Variants in AP3M1 observed in about 807,000 individuals in gnomAD.
AP3M1 encodes the protein adaptor related protein complex 3 subunit mu 1.
A neutral mutation model predicts 42.6 loss-of-function variants in AP3M1; 29 were observed. The ratio of observed to expected loss-of-function variants is 0.68; its 90% CI spans 0.51 to 0.93. The LOEUF is 0.93. Ranked by LOEUF, AP3M1 falls within the 40% of genes least tolerant of loss-of-function variation. AP3M1 has a pLI of 0.00. For synonymous variants in AP3M1, 178 were observed against 175.3 expected, an observed-to-expected ratio of 1.02 and a Z score of -0.12; for missense variants, 416 against 510.2, an observed-to-expected ratio of 0.82 and a Z score of 1.78.
At chr10:74,139,137 A>C (rs1841043851) in intron 1 of AP3M1, among the ~76,000 whole-genome samples, 1 of 152,070 alleles carries the variant, frequency 6.6e-6, no homozygotes, top group African/African-American at 2.4e-5. Flanking sequence ...AAAGGCTTCC[A>C]AATTGGAAAG....
rs148635820 is a variant in AP3M1, at chr10:74,135,862, T to A, written c.445+770A>T. On this transcript the variant is annotated intron_variant, in intron 3 of 8. Coordinates refer to ENST00000355264, the MANE Select transcript of AP3M1 (RefSeq NM_012095.6). ...CTTACACAAAGGATGAATAAAGAGC[T>A]GCTGAATGATCTTTTTCTTATAGGC... 4.0e-3 allele frequency among the ~76,000 whole-genome samples: 605 copies of A among 152,352 alleles called. 2 individuals carry two copies. Among genetic ancestry groups the A allele is most frequent in the African/African-American group, 0.014 (580 of 41,584 alleles).
At chr10:74,129,471 T>C (rs1227908495) in intron 5 of AP3M1, among the ~76,000 whole-genome samples, 1 of 152,232 alleles carries the variant, frequency 6.6e-6, no homozygotes, top group African/African-American at 2.4e-5. Flanking sequence ...GTAGTATTAT[T>C]TCCCTTTAAC....
intron 6 of AP3M1, among the ~76,000 whole-genome samples, chr10:74,127,771 G>A (rs1054543073): frequency 3.3e-5 from 5 of 151,984 alleles, no homozygotes; most frequent in Non-Finnish European, 7.4e-5. Context: ...TGTAAAATAT[G>A]TTTTATATAA....
At chr10:74,125,286 A>T (rs144539652) in intron 7 of AP3M1, among the ~76,000 whole-genome samples, 2,047 of 152,232 alleles carry the variant, frequency 0.013, 52 homozygotes, top group African/African-American at 0.047. Context: ...GCCTCTGTTT[A>T]TTTTTCTGTA....
intron 1 of AP3M1, among the ~76,000 whole-genome samples, chr10:74,146,560 T>C (rs1841334432): frequency 1.3e-5 from 2 of 151,594 alleles, no homozygotes; most frequent in African/African-American, 4.8e-5. Flanking sequence ...GAGGAGGGGG[T>C]GTGTGGAGAT....
intron 3 of AP3M1, among the ~76,000 whole-genome samples, 188 bp downstream of exon 3, chr10:74,136,444 T>C (rs1474686275): frequency 6.6e-6 from 1 of 152,184 alleles, no homozygotes; most frequent in South Asian, 2.1e-4. Context: ...AACCAAAAGT[T>C]CTTTATCACT....
chr10:74,127,204 C>T (rs187846074), intron 6 of AP3M1, among the ~76,000 whole-genome samples: 48 of 152,062 alleles, frequency 3.2e-4, no homozygotes, highest in Non-Finnish European at 6.2e-4. Context: ...ACCAGTCCTC[C>T]AAGGATACCA....
chr10:74,146,664 T>G (rs1841337658), intron 1 of AP3M1, among the ~76,000 whole-genome samples: 1 of 152,224 alleles, frequency 6.6e-6, no homozygotes, highest in Non-Finnish European at 1.5e-5. Flanking sequence ...CTATTATATA[T>G]ACCCTTCTGG....
At chr10:74,136,903 A>C in intron 2 of AP3M1, 100 bp from the exon 3 acceptor site, 1 of 769,390 alleles carries the variant, frequency 1.3e-6, no homozygotes, top group Admixed American at 3.5e-5. Flanking sequence ...AGCATAATTC[A>C]TTGCTTAAGC....
intron 4 of AP3M1, 125 bp from the exon 5 acceptor site, chr10:74,130,117 T>A (rs1404357190): frequency 2.8e-6 from 2 of 719,246 alleles, no homozygotes; most frequent in Non-Finnish European, 4.6e-6. Flanking sequence ...GTTGCCAAGG[T>A]TGGAGTGCAG....
chr10:74,145,854 G>A (rs6480720), intron 1 of AP3M1, among the ~76,000 whole-genome samples: 11 of 152,338 alleles, frequency 7.2e-5, no homozygotes, highest in African/African-American at 2.6e-4. Context: ...GGAAGACAGT[G>A]TCTAAAAACA....
At chr10:74,136,189 T>C in intron 3 of AP3M1, among the ~76,000 whole-genome samples, 1 of 152,232 alleles carries the variant, frequency 6.6e-6, no homozygotes. Context: ...GAGATTGTAG[T>C]ACTGTGTGGT....
At chr10:74,136,238 G>A (rs996376984) in intron 3 of AP3M1, among the ~76,000 whole-genome samples, 5 of 152,146 alleles carry the variant, frequency 3.3e-5, no homozygotes, top group African/African-American at 1.2e-4. Context: ...TAATTGTGGA[G>A]TAGCAGCATA....
chr10:74,138,502 T>C (rs1382675090), intron 1 of AP3M1, 120 bp from the exon 2 acceptor site: 13 of 795,828 alleles, frequency 1.6e-5, no homozygotes, highest in Admixed American at 3.2e-5. Context: ...TGGTTCAACA[T>C]ACAAAAATCA....
intron 1 of AP3M1, among the ~76,000 whole-genome samples, chr10:74,146,829 G>A (rs1273579029): frequency 2.0e-5 from 3 of 151,640 alleles, no homozygotes; most frequent in Non-Finnish European, 4.4e-5. Context: ...TAGGAGGTGG[G>A]TCAAGGAAGT....
rs60894146 is a variant in AP3M1, at chr10:74,123,686, C to T, written c.*124G>A. On this transcript the variant is annotated 3_prime_UTR_variant, in exon 9 of 9. Coordinates refer to ENST00000355264, the MANE Select transcript of AP3M1 (RefSeq NM_012095.6). ...ATTGATAACTAAGTAACTTTGTTAG[C>T]GGTGTGTAGCTAGACACAAATGCTT... The T allele has an allele frequency of 9.5e-4, 699 of 737,948 alleles. 1 individual carries two copies. In the African/African-American group the frequency reaches 0.01, roughly 11 times the overall value. 45.7% of individuals were successfully genotyped at this position (737,948 alleles called of 1,614,324 possible). A position where few individuals can be genotyped will look rare whatever the true frequency, so the allele number is the denominator to read the frequency against.
rs749632070 is a variant in AP3M1, at chr10:74,129,998, GAAAGA to G, written c.584-11_584-7del. On this transcript the variant is annotated splice_region_variant and splice_polypyrimidine_tract_variant and intron_variant, in intron 4 of 8. Coordinates refer to ENST00000355264, the MANE Select transcript of AP3M1 (RefSeq NM_012095.6). The stretch of plus-strand genomic sequence containing the variant: ...TTCTGCAAAGACTGTAGATCCTGAA[GAAAGA>G]AAAAAAAAAGGAAGATAACATCAAT... 74 of 1,494,842 alleles carry G rather than the reference GAAAGA, an allele frequency of 5.0e-5. No individual in the cohort carries two copies. Among genetic ancestry groups the G allele is most frequent in the Admixed American group, 2.0e-4 (10 of 49,018 alleles). The allele number at this position is 1,494,842 out of a possible 1,614,324, so 92.6% of individuals were successfully genotyped here.
chr10:74,142,757 T>C (rs755202873), intron 1 of AP3M1, among the ~76,000 whole-genome samples: 6 of 152,238 alleles, frequency 3.9e-5, no homozygotes, highest in Non-Finnish European at 8.8e-5. Flanking sequence ...TTAATATAAG[T>C]GCCATTAGAA....
chr10:74,132,527 CA>C (rs201441931), intron 4 of AP3M1, among the ~76,000 whole-genome samples: 1 of 150,782 alleles, frequency 6.6e-6, no homozygotes, highest in African/African-American at 2.4e-5. Context: ...CCTGTCTGTA[CA>C]AAAAAAACAA....
Sources: allele counts gnomAD v4.1 joint callset (sites outside exome capture counted in the v4.1 genomes callset), GRCh38; gene constraint gnomAD v4.1.1; transcripts MANE v1.5; gene names NCBI Gene and HGNC (gene_info 2026-07-23, HGNC 2026-07-21).